The following SFXN4 variants were observed in gnomAD, a reference collection of about 807,000 sequenced individuals.
SFXN4 encodes sideroflexin 4, also known as sideroflexin-4.
A neutral mutation model predicts 54.6 loss-of-function variants in SFXN4; 48 were observed. The observed-to-expected ratio is 0.88, with a 90% confidence interval of 0.70 to 1.12. The LOEUF is 1.12. Ranked by LOEUF, SFXN4 falls within the 50% of genes most tolerant of loss-of-function variation. The pLI, the probability that SFXN4 is intolerant of heterozygous loss-of-function variation, is 0.00. For synonymous variants in SFXN4, 130 were observed against 145.5 expected, an observed-to-expected ratio of 0.89 and a Z score of 0.77; for missense variants, 383 against 409.2, an observed-to-expected ratio of 0.94 and a Z score of 0.55.
rs1429364087 is a variant in SFXN4 at position 119,141,382 on chromosome 10, TAAA to T, written c.937-66_937-64del. On this transcript the variant is annotated intron_variant, in intron 13 of 13. Transcript: ENST00000355697. ...GTTTTTCTTGCCTTAGAAGCCAAGT[TAAA>T]AAAATCATTTTCTGAAAGCAACCAT... is the stretch of plus-strand genomic sequence containing the variant. The T allele has an allele frequency of 2.0e-5, 21 of 1,034,200 alleles. No individual in the cohort carries two copies. In the South Asian group the frequency reaches 2.9e-4, roughly 14 times the overall value. The allele number at this position is 1,034,200 out of a possible 1,614,324, so 64.1% of individuals were successfully genotyped here. A position where few individuals can be genotyped will look rare whatever the true frequency, so the allele number is the denominator to read the frequency against.
chr10:119,143,200 A>G (rs1456641390), intron 13 of SFXN4, among the ~76,000 whole-genome samples: 1 of 151,958 alleles, frequency 6.6e-6, no homozygotes, highest in East Asian at 1.9e-4. Context: ...AGGCCCTGCC[A>G]CCTGGCCCCC....
At chr10:119,146,435 G>GTT (rs995743454) in intron 12 of SFXN4, 82 bp from the exon 13 acceptor site, 35 of 473,852 alleles carry the variant, frequency 7.4e-5, no homozygotes, top group Non-Finnish European at 1.2e-4. Context: ...GGGCGTGTGT[G>GTT]TGTGTGTGTG....
intron 1 of SFXN4, among the ~76,000 whole-genome samples, chr10:119,164,490 CTT>C (rs1010862918): frequency 2.6e-5 from 4 of 152,126 alleles, no homozygotes; most frequent in African/African-American, 4.8e-5. Flanking sequence ...AAATCCCAGA[CTT>C]TGGGGGTTCA....
chr10:119,141,248 C>A lies in SFXN4; in HGVS notation c.1008G>T (p.Gly336=). The change falls in exon 14 of 14, where the codon GGG becomes GGT. Residue 336 remains glycine (G), a synonymous_variant. Coordinates refer to ENST00000355697, the MANE Select transcript of SFXN4 (RefSeq NM_213649.2). The part of the protein sequence containing the change: ...TEETEIFYHR[G]V ...ATTCACCTAAAACTCACGCCTACAC[C>A]CCTCTGTGATAAAAGATTTCTGTTT... 6.2e-7 allele frequency: 1 copy of A among 1,610,812 alleles called. No homozygotes were observed. Among genetic ancestry groups the A allele is most frequent in the Non-Finnish European group, 8.5e-7 (1 of 1,177,156 alleles).
chr10:119,146,460 T>TGTGTGTGTGTGTGC (rs141608372), intron 12 of SFXN4, 107 bp from the exon 13 acceptor site: 12 of 571,002 alleles, frequency 2.1e-5, no homozygotes, highest in African/African-American at 8.5e-5. Flanking sequence ...TGTGTGTGTG[T>TGTGTGTGTGTGTGC]GCACGTGTGT....
At chr10:119,151,292 C>G (rs912093851) in intron 11 of SFXN4, among the ~76,000 whole-genome samples, 1 of 151,738 alleles carries the variant, frequency 6.6e-6, no homozygotes, top group African/African-American at 2.4e-5. Flanking sequence ...TCGCTTGAAC[C>G]TGGGAGGCAG....
At chr10:119,161,936 G>GC (rs1313556777) in intron 3 of SFXN4, among the ~76,000 whole-genome samples, 2 of 152,234 alleles carry the variant, frequency 1.3e-5, no homozygotes, top group African/African-American at 2.4e-5. Context: ...GGTAGATAAG[G>GC]AACAGTCCGT....
Position 119,165,688 on chromosome 10 carries a change from T to C in SFXN4, c.-41A>G. 1 of 1,468,010 alleles carries C rather than the reference T, an allele frequency of 6.8e-7. No homozygotes were observed. The highest frequency in any genetic ancestry group is 9.0e-7 in the Non-Finnish European group (1 of 1,106,492). 90.9% of individuals were successfully genotyped at this position (1,468,010 alleles called of 1,614,324 possible). A position where few individuals can be genotyped will look rare whatever the true frequency, so the allele number is the denominator to read the frequency against. ...GTGGCCGCCGCCGCCAGGCCGCGCG[T>C]GGAGGAGGAGCCGGGCGGCGAGCCC... On this transcript the variant is annotated 5_prime_UTR_variant, in exon 1 of 14. Coordinates refer to ENST00000355697, the MANE Select transcript of SFXN4 (RefSeq NM_213649.2).
intron 6 of SFXN4, 128 bp from the exon 7 acceptor site, chr10:119,158,190 T>C: frequency 3.5e-6 from 3 of 854,796 alleles, no homozygotes; most frequent in Non-Finnish European, 6.0e-6. Context: ...AGGATGGTGG[T>C]GGGTACAGGG....
At chr10:119,147,651 T>C in intron 12 of SFXN4, 124 bp downstream of exon 12, 1 of 723,950 alleles carries the variant, frequency 1.4e-6, no homozygotes, top group Non-Finnish European at 2.4e-6. Flanking sequence ...TTAGCTGTGA[T>C]GTGTGTTTAT....
chr10:119,142,987 C>T (rs917580674), intron 13 of SFXN4, among the ~76,000 whole-genome samples: 1 of 152,120 alleles, frequency 6.6e-6, no homozygotes, highest in African/African-American at 2.4e-5. Flanking sequence ...CCGCCTCGGC[C>T]TCCCAAAGTG....
chr10:119,165,526 C>A lies in SFXN4; in HGVS notation c.111+11G>T. 6.4e-7 allele frequency: 1 copy of A among 1,574,712 alleles called. No individual in the cohort carries two copies. The highest frequency in any genetic ancestry group is 2.5e-5 in the East Asian group (1 of 39,612). On this transcript the variant is annotated intron_variant, in intron 1 of 13. Transcript: ENST00000355697. Reference sequence around the variant, plus strand: ...CTCCCTGCCCCTAGTCGCGCCGGGCCCGGGCCGTACTTGGCGCTCGGTGAT... The same window carrying A: ...CTCCCTGCCCCTAGTCGCGCCGGGCACGGGCCGTACTTGGCGCTCGGTGAT...
rs886224545 is a variant in SFXN4 at position 119,165,463 on chromosome 10, C to G, written c.111+74G>C. 2.8e-5 allele frequency: 40 copies of G among 1,435,284 alleles called. No homozygotes were observed. The Admixed American group carries it at 5.0e-4, about 18-fold the overall frequency. 88.9% of individuals were successfully genotyped at this position (1,435,284 alleles called of 1,614,324 possible). A position where few individuals can be genotyped will look rare whatever the true frequency, so the allele number is the denominator to read the frequency against. Reference sequence around the variant, plus strand: ...CGCCCACGTGGCCTGGCCAAGGTCACCCGGGTCAGCCCGACTCCACGCGGC... The same window carrying G: ...CGCCCACGTGGCCTGGCCAAGGTCAGCCGGGTCAGCCCGACTCCACGCGGC... On this transcript the variant is annotated intron_variant, in intron 1 of 13. Transcript: ENST00000355697.
intron 11 of SFXN4, 44 bp downstream of exon 11, chr10:119,155,018 G>A (rs751790608): frequency 1.5e-5 from 20 of 1,370,218 alleles, no homozygotes; most frequent in Middle Eastern, 1.8e-4. Flanking sequence ...AAGTCTAGTC[G>A]TTGCCCAAAA....
chr10:119,157,844 A>G, intron 8 of SFXN4, 27 bp downstream of exon 8: 1 of 1,613,318 alleles, frequency 6.2e-7, no homozygotes, highest in African/African-American at 1.3e-5. Context: ...ACAAAACCCC[A>G]CACTCTCTGG....
intron 6 of SFXN4, among the ~76,000 whole-genome samples, chr10:119,158,575 C>T (rs1227689995): frequency 1.5e-5 from 2 of 133,138 alleles, no homozygotes; most frequent in African/African-American, 5.8e-5. Flanking sequence ...AAGATCATGC[C>T]ATTGCACTCC....
chr10:119,152,362 C>G (rs973381082), intron 11 of SFXN4, among the ~76,000 whole-genome samples: 1 of 152,188 alleles, frequency 6.6e-6, no homozygotes, highest in Non-Finnish European at 1.5e-5. Context: ...TCACTGCAAC[C>G]TCCACCTCTC....
chr10:119,146,460 T>TGTGTGTGTGTGTGTGTGTGTGTGTGCGC (rs141608372), intron 12 of SFXN4, 107 bp from the exon 13 acceptor site: 2 of 549,006 alleles, frequency 3.6e-6, no homozygotes, highest in African/African-American at 4.3e-5. Context: ...TGTGTGTGTG[T>TGTGTGTGTGTGTGTGTGTGTGTGTGCGC]GCACGTGTGT....
intron 1 of SFXN4, 183 bp downstream of exon 1, chr10:119,165,354 C>A: frequency 7.6e-7 from 1 of 1,309,776 alleles, no homozygotes; most frequent in South Asian, 1.9e-5. Flanking sequence ...ATTTCCCCTG[C>A]GTCCCCTGCC....
Sources: gnomAD v4.1 joint callset for allele counts (sites outside exome capture counted in the v4.1 genomes callset) on GRCh38, gnomAD v4.1.1 for gene constraint, MANE v1.5 for transcripts, NCBI Gene and HGNC (gene_info 2026-07-23, HGNC 2026-07-21) for gene names.